Variants in NPAS3 observed in about 807,000 individuals in gnomAD.
NPAS3 encodes the protein neuronal PAS domain-containing protein 3.
A neutral mutation model predicts 73.1 loss-of-function variants in NPAS3; 14 were observed. That is an observed-to-expected ratio of 0.19 (90% CI 0.13 to 0.30). NPAS3 has a LOEUF of 0.30. NPAS3 is among the 10% of genes least tolerant of loss of function. NPAS3 has a pLI of 1.00. For synonymous variants in NPAS3, 620 were observed against 541.5 expected (o/e 1.14, Z -2.01); for missense variants, 1,096 against 1,250.0 (o/e 0.88, Z 1.86).
In NPAS3 at chr14:33,573,012, ACTT is replaced by A. The variant is rs765036487; in HGVS notation, c.558+12808_558+12810del. Among the ~76,000 whole-genome samples, 105 of 127,746 alleles carry A rather than the reference ACTT, an allele frequency of 8.2e-4. 1 individual carries two copies. In the East Asian group the frequency reaches 0.017, roughly 21 times the overall value. 83.8% of individuals were successfully genotyped at this position (127,746 alleles called of 152,430 possible). A position where few individuals can be genotyped will look rare whatever the true frequency, so the allele number is the denominator to read the frequency against. Reference sequence around the variant, plus strand: ...CACTCCAGCCTGGAGACAGAGTGAGACTTCTTCTCAAAAAAAAAAAAAAAAAAA... The same window carrying A: ...CACTCCAGCCTGGAGACAGAGTGAGACTTCTCAAAAAAAAAAAAAAAAAAA... On this transcript the variant is annotated intron_variant, in intron 5 of 11. Transcript: ENST00000356141.
At chr14:33,259,918 C>T (rs906530679) in intron 3 of NPAS3, among the ~76,000 whole-genome samples, 24 of 150,994 alleles carry the variant, frequency 1.6e-4, no homozygotes, top group African/African-American at 5.9e-4. Context: ...ATCTGATTGA[C>T]TCACTCAGTG....
chr14:33,631,641 T>C (rs139022278), intron 5 of NPAS3, among the ~76,000 whole-genome samples: 16 of 152,312 alleles, frequency 1.1e-4, no homozygotes, highest in Non-Finnish European at 1.9e-4. Flanking sequence ...TGATATAGAC[T>C]CTCTTTGGCG....
chr14:33,758,716 TA>T (rs2062192759), intron 7 of NPAS3, among the ~76,000 whole-genome samples: 1 of 152,234 alleles, frequency 6.6e-6, no homozygotes, highest in Admixed American at 6.5e-5. Context: ...AGTTCTACTT[TA>T]ACATCCAAGG....
Position 33,744,461 on chromosome 14 carries a change from G to A in NPAS3, c.852+9129G>A, listed in dbSNP as rs186833888. On this transcript the variant is annotated intron_variant, in intron 7 of 11. Coordinates refer to ENST00000356141, the Ensembl canonical transcript of NPAS3. ...AATTATAACAGTAATATCAAAGATC[G>A]CTGATCACAGATCACTATAACAGGT... Among the ~76,000 whole-genome samples, 825 of 152,110 alleles carry A rather than the reference G, an allele frequency of 5.4e-3. 5 individuals are homozygous for A. The highest frequency in any genetic ancestry group is 0.018 in the African/African-American group (739 of 41,480).
intron 5 of NPAS3, among the ~76,000 whole-genome samples, chr14:33,569,735 G>A (rs2056124067): frequency 6.6e-6 from 1 of 152,108 alleles, no homozygotes; most frequent in African/African-American, 2.4e-5. Context: ...TCACATATTT[G>A]TTCCTACTCT....
At chr14:33,322,148 A>C (rs2043476581) in intron 3 of NPAS3, among the ~76,000 whole-genome samples, 1 of 152,154 alleles carries the variant, frequency 6.6e-6, no homozygotes, top group African/African-American at 2.4e-5. Context: ...CACTTAGCTA[A>C]AGGTTTATTG....
At position 33,800,931 on chromosome 14, in the gene NPAS3, A is replaced by T; in HGVS notation, c.2624A>T (p.His875Leu). The change falls in exon 12 of 12, where the codon CAC (histidine) becomes CTC (leucine). Residue 875 changes from histidine to leucine, a missense_variant. This residue lies in a region of NPAS3 where 698 missense variants were observed against 676.7 expected (regional missense o/e 1.03). Transcript: ENST00000356141. This position sits in a 1 kb window ranked among gnomAD's most constrained non-coding sequence, Gnocchi z 6.5. ...ACGCCCATGGAGATGCTCTACCACC[A>T]CGTGCACCGGCTCAACATGTCAGGA... 2 of 1,607,918 alleles carry T rather than the reference A, an allele frequency of 1.2e-6. No homozygotes were observed. The highest frequency in any genetic ancestry group is 1.7e-6 in the Non-Finnish European group (2 of 1,177,702).
intron 3 of NPAS3, among the ~76,000 whole-genome samples, chr14:33,324,593 C>T (rs1425662706): frequency 6.6e-6 from 1 of 152,098 alleles, no homozygotes; most frequent in African/African-American, 2.4e-5. Context: ...TGTGTTGTCA[C>T]TAAAATTTTG....
At chr14:33,714,141 TA>T (rs1278204423) in intron 6 of NPAS3, among the ~76,000 whole-genome samples, 1 of 152,082 alleles carries the variant, frequency 6.6e-6, no homozygotes, top group Non-Finnish European at 1.5e-5. Context: ...ATAATAATAA[TA>T]AAATTTTTTA....
At chr14:33,797,359 C>A in intron 10 of NPAS3, 98 bp from the exon 11 acceptor site, 2 of 1,329,530 alleles carry the variant, frequency 1.5e-6, no homozygotes, top group Non-Finnish European at 2.1e-6. Context: ...ACTTTCTAAA[C>A]TCCAGAAGTC....
intron 9 of NPAS3, among the ~76,000 whole-genome samples, chr14:33,789,496 T>G (rs193112674): frequency 6.6e-6 from 1 of 151,988 alleles, no homozygotes; most frequent in East Asian, 1.9e-4. Context: ...ATCCTCTCTA[T>G]GTCTTCAGGT....
At chr14:33,691,985 C>T (rs1217731884) in intron 6 of NPAS3, among the ~76,000 whole-genome samples, 1 of 152,146 alleles carries the variant, frequency 6.6e-6, no homozygotes, top group South Asian at 2.1e-4. Context: ...TGGGGGTGCT[C>T]TTGTGATTTG....
At chr14:33,337,955 T>G (rs1395164251) in intron 3 of NPAS3, among the ~76,000 whole-genome samples, 15 of 65,208 alleles carry the variant, frequency 2.3e-4, no homozygotes, top group Non-Finnish European at 2.8e-5. Flanking sequence ...TGTGGATTAT[T>G]TCTAGGAATT....
chr14:33,035,461 A>G (rs923690070), intron 1 of NPAS3, among the ~76,000 whole-genome samples: 1 of 152,142 alleles, frequency 6.6e-6, no homozygotes, highest in Non-Finnish European at 1.5e-5. Flanking sequence ...GATCTCCCCA[A>G]CTAAATTGTA....
chr14:33,061,614 T>C (rs2041102054), intron 2 of NPAS3, among the ~76,000 whole-genome samples: 1 of 152,204 alleles, frequency 6.6e-6, no homozygotes, highest in Non-Finnish European at 1.5e-5. Context: ...GAAAGTGTAT[T>C]ATTTAGGGGT....
At chr14:33,707,435 G>A (rs2060688316) in intron 6 of NPAS3, among the ~76,000 whole-genome samples, 1 of 152,044 alleles carries the variant, frequency 6.6e-6, no homozygotes, top group Non-Finnish European at 1.5e-5. Flanking sequence ...CTGGATGTTG[G>A]AAACTGCCTG....
chr14:33,265,442 T>C (rs577399602), intron 3 of NPAS3, among the ~76,000 whole-genome samples: 3 of 152,370 alleles, frequency 2.0e-5, no homozygotes, highest in Admixed American at 2.0e-4. Flanking sequence ...ATCTCTATTA[T>C]ATGCTAATGG....
At chr14:33,608,979 G>A (rs2057664561) in intron 5 of NPAS3, among the ~76,000 whole-genome samples, 1 of 152,062 alleles carries the variant, frequency 6.6e-6, no homozygotes, top group African/African-American at 2.4e-5. Flanking sequence ...CATCCTACAG[G>A]GTCTACCCTG....
chr14:33,259,974 G>T (rs952962837), intron 3 of NPAS3, among the ~76,000 whole-genome samples: 7 of 151,986 alleles, frequency 4.6e-5, no homozygotes, highest in Admixed American at 3.9e-4. Flanking sequence ...CAGGGGAGTT[G>T]CCCTGAACAG....
Sources: allele counts gnomAD v4.1 joint callset (sites outside exome capture counted in the v4.1 genomes callset), GRCh38; gene constraint gnomAD v4.1.1; regional missense constraint gnomAD v4.1.1; non-coding constraint Gnocchi (gnomAD v3.1); transcripts MANE v1.5; gene names NCBI Gene and HGNC (gene_info 2026-07-23, HGNC 2026-07-21).